The following TRPS1 variants were observed in gnomAD, a reference collection of about 807,000 sequenced individuals.
TRPS1 encodes the protein zinc finger transcription factor Trps1.
TRPS1 carries 6 observed loss-of-function variants against 101.2 expected under a neutral mutation model. The ratio of observed to expected loss-of-function variants is 0.06; its 90% CI spans 0.03 to 0.12. The LOEUF is 0.12. Ranked by LOEUF, TRPS1 falls within the 10% of genes least tolerant of loss-of-function variation. TRPS1 has a pLI of 1.00. For synonymous variants in TRPS1, 578 were observed against 589.8 expected (o/e 0.98, Z 0.29); for missense variants, 1,363 against 1,567.0 (o/e 0.87, Z 2.20).
intron 5 of TRPS1, among the ~76,000 whole-genome samples, chr8:115,429,304 C>T (rs1813262345): frequency 6.6e-6 from 1 of 152,164 alleles, no homozygotes. Flanking sequence ...TTTGCTTTTG[C>T]ACGTCCATTA....
chr8:115,494,852 T>G (rs1337055195), intron 5 of TRPS1, among the ~76,000 whole-genome samples: 1 of 152,198 alleles, frequency 6.6e-6, no homozygotes, highest in Admixed American at 6.5e-5. Flanking sequence ...AAAGTAAGAT[T>G]AGGATGTTTT....
At chr8:115,533,448 T>TGTTTTTTTTTTG (rs199572316) in intron 5 of TRPS1, among the ~76,000 whole-genome samples, 17 of 130,112 alleles carry the variant, frequency 1.3e-4, no homozygotes, top group African/African-American at 5.2e-4. Flanking sequence ...TTTTTTTTTT[T>TGTTTTTTTTTTG]TTTTTTTTTT....
In TRPS1 at chr8:115,445,647, G is replaced by T. The variant is rs541287323; in HGVS notation, c.2701-27195C>A. 3.9e-5 allele frequency among the ~76,000 whole-genome samples: 6 copies of T among 152,106 alleles called. No homozygotes were observed. The South Asian group carries it at 8.3e-4, about 21-fold the overall frequency. ...ACTTTGTTCACTAACAAAATGAGAA[G>T]AATTAAATGACTCAATATATAAATT... On this transcript the variant is annotated intron_variant, in intron 5 of 6. Coordinates refer to ENST00000395715, the MANE Select transcript of TRPS1 (RefSeq NM_014112.5).
intron 5 of TRPS1, among the ~76,000 whole-genome samples, chr8:115,578,256 C>A (rs1289048696): frequency 1.3e-5 from 2 of 152,020 alleles, no homozygotes; most frequent in Non-Finnish European, 2.9e-5. Context: ...TTAAATATTT[C>A]TAGGATATTT....
chr8:115,424,237 T>C (rs1364320195), intron 5 of TRPS1, among the ~76,000 whole-genome samples: 1 of 152,248 alleles, frequency 6.6e-6, no homozygotes, highest in Non-Finnish European at 1.5e-5. Context: ...AGTATGAATA[T>C]ACCTCAAATA....
intron 5 of TRPS1, among the ~76,000 whole-genome samples, chr8:115,542,791 C>T (rs140806570): frequency 7.2e-5 from 11 of 152,170 alleles, no homozygotes; most frequent in African/African-American, 2.2e-4. Flanking sequence ...GAAGATGAAA[C>T]GGGTTATATA....
At chr8:115,503,596 A>G (rs1815372166) in intron 5 of TRPS1, among the ~76,000 whole-genome samples, 1 of 152,218 alleles carries the variant, frequency 6.6e-6, no homozygotes, top group Non-Finnish European at 1.5e-5. Context: ...TTTTATCTAA[A>G]AAATTAGAAG....
At chr8:115,536,095 G>A (rs1042327923) in intron 5 of TRPS1, among the ~76,000 whole-genome samples, 1 of 151,884 alleles carries the variant, frequency 6.6e-6, no homozygotes, top group Admixed American at 6.6e-5. Context: ...AAAGCACTAA[G>A]GTACGTGTTA....
chr8:115,581,296 G>T (rs1207463313), intron 5 of TRPS1, among the ~76,000 whole-genome samples: 2 of 152,196 alleles, frequency 1.3e-5, no homozygotes, highest in Admixed American at 1.3e-4. Flanking sequence ...TTTGTTGAAG[G>T]ATATGAAGTT....
intron 5 of TRPS1, among the ~76,000 whole-genome samples, chr8:115,422,908 G>A (rs1476909192): frequency 2.0e-5 from 3 of 152,102 alleles, no homozygotes; most frequent in Non-Finnish European, 4.4e-5. Flanking sequence ...GTGCTGGGAG[G>A]GAAAAAGGAT....
In TRPS1 at chr8:115,619,752, C is replaced by T; in HGVS notation, c.346G>A (p.Asp116Asn). 6.2e-7 allele frequency: 1 copy of T among 1,614,216 alleles called. No homozygotes were observed. Among genetic ancestry groups the T allele is most frequent in the Non-Finnish European group, 8.5e-7 (1 of 1,180,040 alleles). ...KGGNFPSFPHDEVTDRNMLAF... is the reference protein window; with the variant it reads ...KGGNFPSFPHNEVTDRNMLAF... ...AACATATTTCTGTCTGTCACCTCAT[C>T]ATGCGGAAAGGAGGGAAAGTTTCCT... Residue 116 changes from aspartate (D) to asparagine (N), a missense_variant, in exon 3 of 7, where the codon GAT becomes AAT. Around this residue, in one of 5 missense-constraint regions of TRPS1, gnomAD observed 1,020 missense variants for 1,073.0 expected, o/e 0.95. Transcript: ENST00000395715.
intron 5 of TRPS1, among the ~76,000 whole-genome samples, chr8:115,555,438 A>G (rs1226906184): frequency 1.3e-5 from 2 of 152,196 alleles, no homozygotes. Flanking sequence ...AGTTTTTCCG[A>G]ACACTTCCAA....
At chr8:115,504,297 G>T (rs1319674877) in intron 5 of TRPS1, among the ~76,000 whole-genome samples, 2 of 152,234 alleles carry the variant, frequency 1.3e-5, no homozygotes, top group Non-Finnish European at 2.9e-5. Flanking sequence ...TAGAGTGTTT[G>T]GGGGACTACT....
At chr8:115,427,092 G>A (rs1586262669) in intron 5 of TRPS1, among the ~76,000 whole-genome samples, 1 of 151,956 alleles carries the variant, frequency 6.6e-6, no homozygotes, top group Non-Finnish European at 1.5e-5. Context: ...GGCAAACACA[G>A]CAAGAACGTG....
intron 4 of TRPS1, 109 bp from the exon 5 acceptor site, chr8:115,587,713 G>A: frequency 6.4e-7 from 1 of 1,569,390 alleles, no homozygotes; most frequent in Non-Finnish European, 8.7e-7. Context: ...AATATAGTAG[G>A]TAGAAAGAAA....
intron 5 of TRPS1, among the ~76,000 whole-genome samples, chr8:115,507,954 CT>C (rs1266162464): frequency 6.6e-6 from 1 of 151,988 alleles, no homozygotes. Flanking sequence ...GAAACAAGTT[CT>C]TATCAAGATA....
intron 5 of TRPS1, among the ~76,000 whole-genome samples, chr8:115,511,809 G>A (rs1815591264): frequency 6.6e-6 from 1 of 151,800 alleles, no homozygotes; most frequent in Non-Finnish European, 1.5e-5. Flanking sequence ...CAAAAAGATG[G>A]ATAAGACATA....
At chr8:115,529,317 T>A (rs1484949963) in intron 5 of TRPS1, among the ~76,000 whole-genome samples, 1 of 151,978 alleles carries the variant, frequency 6.6e-6, no homozygotes. Context: ...TTATGCAAGG[T>A]TTTGCTGTGT....
intron 5 of TRPS1, among the ~76,000 whole-genome samples, chr8:115,504,922 A>T (rs1815404735): frequency 6.6e-6 from 1 of 152,186 alleles, no homozygotes; most frequent in African/African-American, 2.4e-5. Flanking sequence ...TTTTATTTTA[A>T]TGCACAGCAG....
Sources: allele counts gnomAD v4.1 joint callset (sites outside exome capture counted in the v4.1 genomes callset), GRCh38; gene constraint gnomAD v4.1.1; regional missense constraint gnomAD v4.1.1; transcripts MANE v1.5; gene names NCBI Gene and HGNC (gene_info 2026-07-23, HGNC 2026-07-21).